The following KHDRBS2 variants were observed in gnomAD, a reference collection of about 807,000 sequenced individuals.
The protein encoded by KHDRBS2 is KH domain-containing, RNA-binding, signal transduction-associated protein 2.
KHDRBS2 carries 26 observed loss-of-function variants against 44.3 expected under a neutral mutation model. The ratio of observed to expected loss-of-function variants is 0.59; its 90% CI spans 0.43 to 0.81. The LOEUF is 0.81. Ranked by LOEUF, KHDRBS2 falls within the 40% of genes least tolerant of loss-of-function variation. The pLI, the probability that KHDRBS2 is intolerant of heterozygous loss-of-function variation, is 0.00. For missense variants in KHDRBS2, 476 were observed against 433.1 expected (o/e 1.10, Z -0.88); for synonymous variants, 194 against 151.1 (o/e 1.28, Z -2.08).
the KHDRBS2 span, among the ~76,000 whole-genome samples, chr6:61,651,765 C>T: frequency 3.3e-5 from 5 of 152,016 alleles, no homozygotes; most frequent in African/African-American, 1.2e-4. Flanking sequence ...GTTTAGTCAT[C>T]AGAATTTTTT....
chr6:61,552,303 G>T, the KHDRBS2 span, among the ~76,000 whole-genome samples: 2,475 of 151,872 alleles, frequency 0.016, 51 homozygotes, highest in South Asian at 0.019. Flanking sequence ...TTTTGATTTG[G>T]CTGCCAACTT....
the KHDRBS2 span, among the ~76,000 whole-genome samples, chr6:61,650,008 T>G: frequency 6.6e-6 from 1 of 152,248 alleles, no homozygotes; most frequent in African/African-American, 2.4e-5. Context: ...AGACCTGTAA[T>G]TCTCCCTCCA....
intron 2 of KHDRBS2, among the ~76,000 whole-genome samples, chr6:62,095,664 C>G (rs776292410): frequency 9.9e-5 from 15 of 151,920 alleles, no homozygotes; most frequent in Non-Finnish European, 2.1e-4. Context: ...TGTCTCCAAA[C>G]AGGGACAATC....
intron 1 of KHDRBS2, among the ~76,000 whole-genome samples, chr6:62,184,716 A>G (rs981227644): frequency 6.6e-6 from 1 of 151,868 alleles, no homozygotes; most frequent in African/African-American, 2.4e-5. Context: ...TCTGTCTTCA[A>G]ATAGCTCTAA....
At chr6:61,668,720 C>A in the KHDRBS2 span, among the ~76,000 whole-genome samples, 2 of 151,072 alleles carry the variant, frequency 1.3e-5, no homozygotes, top group East Asian at 2.0e-4. Flanking sequence ...TGGATATCAG[C>A]TTTTAAGCTA....
At chr6:61,578,514 G>C in the KHDRBS2 span, among the ~76,000 whole-genome samples, 160 of 152,172 alleles carry the variant, frequency 1.1e-3, no homozygotes, top group African/African-American at 3.7e-3. Context: ...TTTCAGTCGG[G>C]TAAAATGTTC....
chr6:62,198,000 C>T (rs1324305584), intron 1 of KHDRBS2, among the ~76,000 whole-genome samples: 4 of 151,952 alleles, frequency 2.6e-5, no homozygotes, highest in Non-Finnish European at 4.4e-5. Context: ...GGGTAAAAAA[C>T]GAAATAAAGG....
intron 2 of KHDRBS2, among the ~76,000 whole-genome samples, chr6:62,048,667 T>A (rs969075742): frequency 6.6e-6 from 1 of 151,822 alleles, no homozygotes; most frequent in Non-Finnish European, 1.5e-5. Flanking sequence ...TTTGTCGAAA[T>A]AAAAAATTCT....
chr6:62,082,172 A>T (rs1797524234), intron 2 of KHDRBS2, among the ~76,000 whole-genome samples: 1 of 152,258 alleles, frequency 6.6e-6, no homozygotes, highest in East Asian at 1.9e-4. Flanking sequence ...CTGGGGCTGG[A>T]TTACTGCCCA....
At chr6:61,580,487 C>T in the KHDRBS2 span, among the ~76,000 whole-genome samples, 2 of 152,230 alleles carry the variant, frequency 1.3e-5, no homozygotes, top group African/African-American at 4.8e-5. Flanking sequence ...AAGTTTTGTT[C>T]TTTCACTCTT....
chr6:61,768,897 C>G (rs543628048), intron 6 of KHDRBS2, among the ~76,000 whole-genome samples: 1 of 152,046 alleles, frequency 6.6e-6, no homozygotes, highest in Non-Finnish European at 1.5e-5. Context: ...GTGGAGTGTT[C>G]TATTCAGTCA....
chr6:62,107,451 A>T (rs1186783217), intron 2 of KHDRBS2, among the ~76,000 whole-genome samples: 7 of 152,210 alleles, frequency 4.6e-5, no homozygotes, highest in Non-Finnish European at 1.0e-4. Context: ...AGAGGATACA[A>T]ACAAACGAAA....
intron 1 of KHDRBS2, among the ~76,000 whole-genome samples, chr6:62,179,681 T>C (rs1434552207): frequency 6.6e-6 from 1 of 151,770 alleles, no homozygotes; most frequent in Non-Finnish European, 1.5e-5. Flanking sequence ...TAAAAATAAA[T>C]TGAATTTGTC....
At chr6:61,583,206 T>C in the KHDRBS2 span, among the ~76,000 whole-genome samples, 1 of 151,886 alleles carries the variant, frequency 6.6e-6, no homozygotes, top group South Asian at 2.1e-4. Flanking sequence ...ATTTTACTTA[T>C]TCTGGAATTT....
chr6:61,766,983 T>C (rs1280421527), intron 6 of KHDRBS2, among the ~76,000 whole-genome samples: 1 of 152,126 alleles, frequency 6.6e-6, no homozygotes, highest in African/African-American at 2.4e-5. Flanking sequence ...GGGTCTATGG[T>C]GCAGATTAAG....
chr6:62,051,334 C>T (rs1402101696), intron 2 of KHDRBS2, among the ~76,000 whole-genome samples: 1 of 151,984 alleles, frequency 6.6e-6, no homozygotes, highest in African/African-American at 2.4e-5. Flanking sequence ...ATCATAGTTT[C>T]TGTTTTTACA....
At chr6:62,172,361 T>C (rs556146938) in intron 2 of KHDRBS2, among the ~76,000 whole-genome samples, 14 of 151,526 alleles carry the variant, frequency 9.2e-5, no homozygotes, top group African/African-American at 3.1e-4. Flanking sequence ...AATAGAAGGG[T>C]TCAATTCAAC....
At chr6:61,838,876 T>C (rs1793136651) in intron 6 of KHDRBS2, among the ~76,000 whole-genome samples, 1 of 152,068 alleles carries the variant, frequency 6.6e-6, no homozygotes, top group Non-Finnish European at 1.5e-5. Context: ...GTTTTGCAAG[T>C]TTAAAGTTTT....
the KHDRBS2 span, among the ~76,000 whole-genome samples, chr6:61,588,724 C>A: frequency 6.6e-6 from 1 of 151,896 alleles, no homozygotes; most frequent in African/African-American, 2.4e-5. Context: ...CTCGGGAGGT[C>A]ACGGTTGCAG....
Sources: allele counts gnomAD v4.1 joint callset (sites outside exome capture counted in the v4.1 genomes callset), GRCh38; gene constraint gnomAD v4.1.1; transcripts MANE v1.5; gene names NCBI Gene and HGNC (gene_info 2026-07-23, HGNC 2026-07-21).